HIPK1: variants seen among roughly 807,000 people sequenced by gnomAD.
The protein encoded by HIPK1 is homeodomain interacting protein kinase 1.
Under a neutral mutation model 117.1 loss-of-function variants are expected in HIPK1, and 28 were observed. That is an observed-to-expected ratio of 0.24 (90% confidence interval 0.18 to 0.33). The LOEUF is 0.33. Among genes scored for constraint, HIPK1 ranks in the 10% least tolerant of loss-of-function variants. The probability of loss-of-function intolerance (pLI) is 1.00; values close to 1 mark genes in which losing one functional copy is unlikely to be tolerated. For missense variants in HIPK1, 1,122 were observed against 1,475.1 expected (o/e 0.76, Z 3.92); for synonymous variants, 605 against 562.5 (o/e 1.08, Z -1.07).
At chr1:113,929,884 T>A in intron 1 of HIPK1, 1 of 986,790 alleles carries the variant, frequency 1.0e-6, no homozygotes, top group Non-Finnish European at 1.2e-6. Context: ...TCTCGTCTCC[T>A]CCGCCGCCTC....
At chr1:113,950,848 T>G (rs1671313395) in intron 2 of HIPK1, among the ~76,000 whole-genome samples, 1 of 152,242 alleles carries the variant, frequency 6.6e-6, no homozygotes, top group Middle Eastern at 3.2e-3. Context: ...CAAGTTACTT[T>G]AACCTCTTAG....
At chr1:113,963,745 A>C (rs1469586243) in intron 10 of HIPK1, among the ~76,000 whole-genome samples, 2 of 152,114 alleles carry the variant, frequency 1.3e-5, no homozygotes, top group Non-Finnish European at 2.9e-5. Flanking sequence ...TTGCTGTAGC[A>C]CTGTCTGACT....
chr1:113,931,967 C>T (rs1287044589), intron 1 of HIPK1, among the ~76,000 whole-genome samples: 1 of 152,138 alleles, frequency 6.6e-6, no homozygotes, highest in Non-Finnish European at 1.5e-5. Context: ...CCTTCCTCTC[C>T]CTTTGTGCCA....
chr1:113,941,982 C>T lies in HIPK1; in HGVS notation c.1076+523C>T, dbSNP rs376896881. 1.4e-4 allele frequency among the ~76,000 whole-genome samples: 21 copies of T among 151,568 alleles called. No homozygotes were observed. The South Asian group carries it at 1.9e-3, about 14-fold the overall frequency. Reference sequence around the variant, plus strand: ...TTCACCGTGTTAGCCAGGATGGTCTCGATATCCTGACCTCGTGATCCACCC... The same window carrying T: ...TTCACCGTGTTAGCCAGGATGGTCTTGATATCCTGACCTCGTGATCCACCC... On this transcript the variant is annotated intron_variant, in intron 2 of 15. Transcript: ENST00000426820. The surrounding 1 kb of genome is among the most constrained non-coding windows in gnomAD (Gnocchi z 4.9).
chr1:113,940,351 G>C (rs1670566238), intron 1 of HIPK1, 31 bp from the exon 2 acceptor site: 1 of 1,519,692 alleles, frequency 6.6e-7, no homozygotes, highest in Admixed American at 2.1e-5. Flanking sequence ...TTTTATCCTT[G>C]TGGTCTAATT....
At chr1:113,959,010 C>G (rs1671913635) in intron 8 of HIPK1, among the ~76,000 whole-genome samples, 1 of 151,914 alleles carries the variant, frequency 6.6e-6, no homozygotes, top group Non-Finnish European at 1.5e-5. Flanking sequence ...TCTAGTCTGT[C>G]CAGTTTCTTT....
chr1:113,969,022 C>T (rs566690960), intron 13 of HIPK1, among the ~76,000 whole-genome samples: 1 of 152,072 alleles, frequency 6.6e-6, no homozygotes, highest in South Asian at 2.1e-4. Flanking sequence ...TGCATCCCCT[C>T]CCGCCCCCAC....
intron 2 of HIPK1, among the ~76,000 whole-genome samples, chr1:113,944,805 T>G (rs1048210032): frequency 4.0e-5 from 6 of 151,810 alleles, no homozygotes; most frequent in Admixed American, 2.0e-4. Flanking sequence ...CATTGTGGTT[T>G]TGATTTGTAT....
Position 113,950,544 on chromosome 1 carries a change from G to A in HIPK1, c.1077-2222G>A, listed in dbSNP as rs145663524. ...TGTTGAGATGGAGTCTCGCTCTGTC[G>A]CCCAGGCTGGAGTGCAGTGGCAGAT... On this transcript the variant is annotated intron_variant, in intron 2 of 15. Transcript: ENST00000426820. 1.8e-4 allele frequency among the ~76,000 whole-genome samples: 27 copies of A among 152,098 alleles called. No individual in the cohort carries two copies. The East Asian group carries it at 3.9e-3, about 22-fold the overall frequency.
At chr1:113,956,975 A>G in intron 6 of HIPK1, 149 bp from the exon 7 acceptor site, 2 of 876,892 alleles carry the variant, frequency 2.3e-6, no homozygotes, top group Middle Eastern at 2.4e-4. Context: ...TTAGATGTGT[A>G]TTTTTCTTCC....
chr1:113,966,128 A>T lies in HIPK1; in HGVS notation c.2239-2A>T, dbSNP rs1208963289. 5 of 1,612,662 alleles carry T rather than the reference A, an allele frequency of 3.1e-6. No individual in the cohort carries two copies. The African/African-American group carries it at 6.7e-5, about 22-fold the overall frequency. ...ATGTTTTTTATGTGTGTTTCCTTACAGCAGGCGTGGCCTGGAGGGACTCAG... is the reference window on the plus strand; with the variant it reads ...ATGTTTTTTATGTGTGTTTCCTTACTGCAGGCGTGGCCTGGAGGGACTCAG... On this transcript the variant is annotated splice_acceptor_variant, in intron 10 of 15. Coordinates refer to ENST00000426820, the MANE Select transcript of HIPK1 (RefSeq NM_198268.3). LOFTEE classifies it high-confidence loss of function.
intron 1 of HIPK1, among the ~76,000 whole-genome samples, chr1:113,937,016 T>G (rs1338027756): frequency 2.0e-5 from 3 of 152,228 alleles, no homozygotes; most frequent in Non-Finnish European, 4.4e-5. Flanking sequence ...TTTTAATAGG[T>G]GCATTTTGTA....
chr1:113,956,600 A>G, intron 5 of HIPK1, 27 bp from the exon 6 acceptor site: 1 of 1,573,172 alleles, frequency 6.4e-7, no homozygotes. Flanking sequence ...TAAGTGAAGA[A>G]GTATAATTCT....
At chr1:113,955,472 C>T (rs1300043595) in intron 4 of HIPK1, 91 bp from the exon 5 acceptor site, 11 of 775,708 alleles carry the variant, frequency 1.4e-5, no homozygotes, top group Non-Finnish European at 2.2e-5. Flanking sequence ...AAGGTGACCA[C>T]ACTTGTCTCT....
In HIPK1 at chr1:113,963,406, T is replaced by C. The variant is rs769652220; in HGVS notation, c.2123T>C (p.Met708Thr). 1 of 1,614,228 alleles carries C rather than the reference T, an allele frequency of 6.2e-7. No individual in the cohort carries two copies. Among genetic ancestry groups the C allele is most frequent in the South Asian group, 1.1e-5 (1 of 91,082 alleles). ...TTTCAGGGAAGCTGTACACCACTAA[T>C]GGTAGCAACTCTCCACCCTCAAGTA... is the stretch of plus-strand genomic sequence containing the variant. The part of the protein sequence containing the change: ...VLTQGSCTPL[M>T]VATLHPQVAT... Residue 708 changes from methionine to threonine, a missense_variant, in exon 10 of 16, where the codon ATG (methionine) becomes ACG (threonine). Physicochemically the swap from Met to Thr is moderately conservative, Grantham distance 81. Transcript: ENST00000426820.
chr1:113,929,492 C>T lies in HIPK1; in HGVS notation c.-43C>T. ...GACTCCTACTGCAATCAGTACTATG[C>T]GATCGTCCTAGAGAGTCCATTCAGC... is the stretch of plus-strand genomic sequence containing the variant. On this transcript the variant is annotated 5_prime_UTR_variant, in exon 1 of 16. The change creates a premature stop within an existing upstream ORF in the 5' untranslated region. Coordinates refer to ENST00000426820, the MANE Select transcript of HIPK1 (RefSeq NM_198268.3). 1 of 1,289,358 alleles carries T rather than the reference C, an allele frequency of 7.8e-7. No homozygotes were observed. Among genetic ancestry groups the T allele is most frequent in the South Asian group, 1.2e-5 (1 of 81,032 alleles). 79.9% of individuals were successfully genotyped at this position (1,289,358 alleles called of 1,614,324 possible). A position where few individuals can be genotyped will look rare whatever the true frequency, so the allele number is the denominator to read the frequency against.
At chr1:113,947,792 A>G (rs1197714877) in intron 2 of HIPK1, among the ~76,000 whole-genome samples, 1 of 152,252 alleles carries the variant, frequency 6.6e-6, no homozygotes, top group African/African-American at 2.4e-5. Context: ...GTCTTCAAAG[A>G]GGAGACTTGC....
In HIPK1 at chr1:113,973,234, T is replaced by G. The variant is rs749306573; in HGVS notation, c.3355T>G (p.Ser1119Ala). ...AHLYTYAAPT[S>A]AAALGSTSSI... The stretch of plus-strand genomic sequence containing the variant: ...TCTGTATACGTATGCTGCCCCGACT[T>G]CTGCTGCTGCACTGGGCTCAACCAG... Residue 1119 changes from serine to alanine, a missense_variant, in exon 16 of 16, where the codon TCT becomes GCT. Physicochemically the swap from Ser to Ala is moderately conservative, Grantham distance 99 (BLOSUM62 1). Coordinates refer to ENST00000426820, the MANE Select transcript of HIPK1 (RefSeq NM_198268.3). 2.5e-6 allele frequency: 4 copies of G among 1,613,982 alleles called. No homozygotes were observed. Among genetic ancestry groups the G allele is most frequent in the East Asian group, 2.2e-5 (1 of 44,896 alleles).
chr1:113,948,306 C>T (rs1004799195), intron 2 of HIPK1, among the ~76,000 whole-genome samples: 2 of 152,148 alleles, frequency 1.3e-5, no homozygotes, highest in African/African-American at 2.4e-5. Context: ...GGCTGGAGTG[C>T]AGTGGCGCAA....
Sources: gnomAD v4.1 joint callset for allele counts (sites outside exome capture counted in the v4.1 genomes callset) on GRCh38, gnomAD v4.1.1 for gene constraint, Gnocchi (gnomAD v3.1) non-coding constraint, MANE v1.5 for transcripts, NCBI Gene and HGNC (gene_info 2026-07-23, HGNC 2026-07-21) for gene names.